TASP1: variants seen among roughly 807,000 people sequenced by gnomAD.
The protein encoded by TASP1 is taspase 1, also known as threonine aspartase 1.
A neutral mutation model predicts 56.6 loss-of-function variants in TASP1; 16 were observed. The ratio of observed to expected loss-of-function variants is 0.28; its 90% confidence interval spans 0.19 to 0.43. TASP1 has a LOEUF of 0.43. Ranked by LOEUF, TASP1 falls within the 20% of genes least tolerant of loss-of-function variation. TASP1 has a pLI of 1.00. For missense variants in TASP1, 393 were observed against 511.6 expected (o/e 0.77, Z 2.24); for synonymous variants, 179 against 184.2 (o/e 0.97, Z 0.23).
At chr20:13,316,755 C>A in the TASP1 span, among the ~76,000 whole-genome samples, 1 of 150,534 alleles carries the variant, frequency 6.6e-6, no homozygotes, top group South Asian at 2.1e-4. Context: ...AAAAAAAAAA[C>A]TTTCAATGAA....
At chr20:13,532,836 C>CCAAGCTTGACTTTCCTATTG (rs1292908184) in intron 9 of TASP1, among the ~76,000 whole-genome samples, 1 of 152,132 alleles carries the variant, frequency 6.6e-6, no homozygotes, top group Non-Finnish European at 1.5e-5. Flanking sequence ...ATCTGATATG[C>CCAAGCTTGACTTTCCTATTG]CAAGCTTGAC....
the TASP1 span, among the ~76,000 whole-genome samples, chr20:13,304,178 A>C: frequency 6.6e-6 from 1 of 152,204 alleles, no homozygotes; most frequent in East Asian, 1.9e-4. Flanking sequence ...CACTCTCCTC[A>C]GCTCTGCTAC....
chr20:13,174,237 T>C, the TASP1 span, among the ~76,000 whole-genome samples: 2 of 152,232 alleles, frequency 1.3e-5, no homozygotes, highest in African/African-American at 4.8e-5. Context: ...GTTCAGGTCT[T>C]TTAAATTTAT....
chr20:13,552,934 C>T (rs1416888003), intron 8 of TASP1, among the ~76,000 whole-genome samples: 9 of 152,014 alleles, frequency 5.9e-5, no homozygotes, highest in Admixed American at 3.3e-4. Context: ...CTTCTTTCCT[C>T]TTTTTGAGAC....
chr20:13,464,180 T>C (rs1300916498), intron 11 of TASP1, among the ~76,000 whole-genome samples: 1 of 152,136 alleles, frequency 6.6e-6, no homozygotes, highest in Non-Finnish European at 1.5e-5. Flanking sequence ...TATAGCTGTA[T>C]TGGAGACAGA....
the TASP1 span, among the ~76,000 whole-genome samples, chr20:13,293,234 C>T: frequency 6.6e-6 from 1 of 150,626 alleles, no homozygotes; most frequent in Non-Finnish European, 1.5e-5. Context: ...AAGAATTCTT[C>T]ATAAACCTTT....
intron 10 of TASP1, among the ~76,000 whole-genome samples, chr20:13,517,423 A>G (rs2044582047): frequency 6.6e-6 from 1 of 152,166 alleles, no homozygotes; most frequent in Non-Finnish European, 1.5e-5. Flanking sequence ...AAGAATAATA[A>G]TACATAAAAA....
At chr20:13,494,959 A>C (rs1156354834) in intron 10 of TASP1, among the ~76,000 whole-genome samples, 1 of 151,984 alleles carries the variant, frequency 6.6e-6, no homozygotes, top group African/African-American at 2.4e-5. Flanking sequence ...CCAGAAAAAA[A>C]AAACCAAAGC....
intron 5 of TASP1, among the ~76,000 whole-genome samples, chr20:13,584,560 C>A (rs1258145941): frequency 6.6e-6 from 1 of 152,004 alleles, no homozygotes; most frequent in East Asian, 1.9e-4. Context: ...AAGATCAGAA[C>A]AAATAAATAA....
chr20:13,401,252 T>C (rs1484356800), intron 13 of TASP1, among the ~76,000 whole-genome samples: 1 of 152,218 alleles, frequency 6.6e-6, no homozygotes, highest in Non-Finnish European at 1.5e-5. Flanking sequence ...GTATTTTATA[T>C]ATATTTAATT....
chr20:13,155,082 G>A, the TASP1 span, among the ~76,000 whole-genome samples: 15 of 152,004 alleles, frequency 9.9e-5, no homozygotes, highest in Admixed American at 5.9e-4. Context: ...TAGGGAGGCC[G>A]AGGCAGGAGG....
chr20:13,587,907 C>G (rs2047367350), intron 4 of TASP1, among the ~76,000 whole-genome samples: 1 of 152,090 alleles, frequency 6.6e-6, no homozygotes, highest in African/African-American at 2.4e-5. Context: ...GGAAGGATCA[C>G]TTGAGCCTAG....
chr20:13,294,363 A>G, the TASP1 span, among the ~76,000 whole-genome samples: 1 of 152,226 alleles, frequency 6.6e-6, no homozygotes, highest in African/African-American at 2.4e-5. Context: ...CTGCAAATAC[A>G]ATGCATTTGA....
chr20:13,126,456 T>C, the TASP1 span: 3 of 1,007,656 alleles, frequency 3.0e-6, no homozygotes, highest in African/African-American at 3.3e-5. Flanking sequence ...CCATTGAAAG[T>C]TGGACCCCAT....
chr20:13,316,769 G>A, the TASP1 span, among the ~76,000 whole-genome samples: 1 of 151,330 alleles, frequency 6.6e-6, no homozygotes, highest in African/African-American at 2.4e-5. Flanking sequence ...CAATGAACTA[G>A]GAATAGATGG....
chr20:13,295,170 C>T, the TASP1 span, among the ~76,000 whole-genome samples: 1 of 152,188 alleles, frequency 6.6e-6, no homozygotes, highest in African/African-American at 2.4e-5. Context: ...GTCCACCAGC[C>T]ACCAAGGCCT....
At chr20:13,209,206 A>T in the TASP1 span, among the ~76,000 whole-genome samples, 15 of 152,188 alleles carry the variant, frequency 9.9e-5, no homozygotes, top group African/African-American at 3.4e-4. Context: ...ACCACCCAAG[A>T]TCGATCAAAC....
chr20:13,447,147 T>C (rs184167067), intron 11 of TASP1, among the ~76,000 whole-genome samples: 31 of 152,282 alleles, frequency 2.0e-4, no homozygotes, highest in Admixed American at 2.6e-4. Context: ...CAAGAAACAG[T>C]GTTTGAGAGT....
At chr20:13,586,774 T>C (rs192835970) in intron 5 of TASP1, among the ~76,000 whole-genome samples, 35 of 152,188 alleles carry the variant, frequency 2.3e-4, no homozygotes, top group African/African-American at 6.3e-4. Context: ...ATCTAAAAAG[T>C]TTATAATAAT....
Sources: allele counts gnomAD v4.1 joint callset (sites outside exome capture counted in the v4.1 genomes callset), GRCh38; gene constraint gnomAD v4.1.1; transcripts MANE v1.5; gene names NCBI Gene and HGNC (gene_info 2026-07-23, HGNC 2026-07-21).